MYO3A: variants seen among roughly 807,000 people sequenced by gnomAD.
MYO3A encodes myosin-IIIa.
A neutral mutation model predicts 192.7 loss-of-function variants in MYO3A; 180 were observed. The ratio of observed to expected loss-of-function variants is 0.93; its 90% CI spans 0.83 to 1.06. MYO3A has a LOEUF of 1.06. Ranked by LOEUF, MYO3A falls within the 50% of genes least tolerant of loss-of-function variation. The pLI, the probability that MYO3A is intolerant of heterozygous loss-of-function variation, is 0.00. For missense variants in MYO3A, 1,896 were observed against 1,905.0 expected (o/e 1.00, Z 0.09); for synonymous variants, 628 against 645.3 (o/e 0.97, Z 0.41).
intron 14 of MYO3A, among the ~76,000 whole-genome samples, chr10:26,075,464 A>G (rs1490608996): frequency 1.3e-5 from 2 of 151,262 alleles, no homozygotes; most frequent in Non-Finnish European, 2.9e-5. Context: ...AGTCCACTGT[A>G]TCATTCTTAT....
chr10:26,053,416 A>G (rs1242024362), intron 10 of MYO3A, among the ~76,000 whole-genome samples: 1 of 150,162 alleles, frequency 6.7e-6, no homozygotes, highest in African/African-American at 2.4e-5. Context: ...TCAGTCAGTG[A>G]TAAAACAAAA....
intron 6 of MYO3A, among the ~76,000 whole-genome samples, chr10:26,006,712 C>T (rs1382081471): frequency 2.0e-5 from 3 of 151,930 alleles, no homozygotes; most frequent in Admixed American, 1.3e-4. Context: ...AGACCAATAA[C>T]AGGCTCTGAA....
chr10:26,057,799 T>C (rs1480225727), intron 10 of MYO3A, among the ~76,000 whole-genome samples: 2 of 152,246 alleles, frequency 1.3e-5, no homozygotes, highest in Non-Finnish European at 2.9e-5. Flanking sequence ...AGAGAGTTTT[T>C]GTTTTTACTT....
rs528951836 is a variant in MYO3A, at chr10:25,955,789, C to A, written c.303+781C>A. 2.0e-5 allele frequency among the ~76,000 whole-genome samples: 3 copies of A among 152,112 alleles called. No individual in the cohort carries two copies. The South Asian group carries it at 6.2e-4, about 32-fold the overall frequency. The stretch of plus-strand genomic sequence containing the variant: ...TACCTTTATTTGACAGCTATAACAG[C>A]ATATATTTATTGTGTTCATCATTGT... On this transcript the variant is annotated intron_variant, in intron 4 of 34. Coordinates refer to ENST00000642920, the MANE Select transcript of MYO3A (RefSeq NM_017433.5).
intron 17 of MYO3A, among the ~76,000 whole-genome samples, chr10:26,099,117 G>A (rs377000594): frequency 1.3e-5 from 2 of 152,124 alleles, no homozygotes; most frequent in Non-Finnish European, 2.9e-5. Context: ...CCTTGAAGAG[G>A]TCCTTCATGT....
At chr10:26,202,131 C>G (rs1464906609) in intron 33 of MYO3A, among the ~76,000 whole-genome samples, 1 of 152,172 alleles carries the variant, frequency 6.6e-6, no homozygotes, top group African/African-American at 2.4e-5. Context: ...AATATTATAT[C>G]ACTGTTTTAA....
rs1300613260 is a variant in MYO3A at position 26,193,279 on chromosome 10, C to A, written c.4513C>A (p.Pro1505Thr). ...CCGGAAACCCAAAACATTAAATAACCCTGAAGACTCCACATACTATTATCT... is the reference window on the plus strand; with the variant it reads ...CCGGAAACCCAAAACATTAAATAACACTGAAGACTCCACATACTATTATCT... ...RPRKPKTLNN[P>T]EDSTYYYLLH... is the part of the protein sequence containing the mutation. Residue 1505 changes from proline (P) to threonine (T), a missense_variant, in exon 32 of 35, where the codon CCT (proline) becomes ACT (threonine). Coordinates refer to ENST00000642920, the MANE Select transcript of MYO3A (RefSeq NM_017433.5). 4.3e-6 allele frequency: 7 copies of A among 1,613,484 alleles called. No individual in the cohort carries two copies. The Admixed American group carries it at 6.7e-5, about 15-fold the overall frequency.
chr10:26,060,383 G>A (rs980098317), intron 10 of MYO3A, among the ~76,000 whole-genome samples: 4 of 152,072 alleles, frequency 2.6e-5, no homozygotes, highest in African/African-American at 7.2e-5. Context: ...CAGGAGAATC[G>A]CTTGAACCTG....
chr10:25,996,769 T>G (rs1163726595), intron 5 of MYO3A, among the ~76,000 whole-genome samples, 175 bp downstream of exon 5: 1 of 152,206 alleles, frequency 6.6e-6, no homozygotes, highest in African/African-American at 2.4e-5. Context: ...CACTACAAAT[T>G]TACTTTCATT....
chr10:26,154,869 G>A (rs1055743301), intron 25 of MYO3A, 46 bp downstream of exon 25: 1 of 1,488,480 alleles, frequency 6.7e-7, no homozygotes, highest in Non-Finnish European at 9.3e-7. Flanking sequence ...GTGCTATTTA[G>A]TCTAAATGAG....
At chr10:26,187,287 T>A (rs1204232367) in intron 31 of MYO3A, among the ~76,000 whole-genome samples, 1 of 152,144 alleles carries the variant, frequency 6.6e-6, no homozygotes, top group East Asian at 1.9e-4. Context: ...GAATATGGGA[T>A]TAGGTTCTAT....
intron 10 of MYO3A, among the ~76,000 whole-genome samples, chr10:26,046,231 A>G (rs1843631372): frequency 6.6e-6 from 1 of 152,164 alleles, no homozygotes; most frequent in African/African-American, 2.4e-5. Context: ...TGAGCCGTCA[A>G]CCTGTGTAAT....
intron 30 of MYO3A, among the ~76,000 whole-genome samples, 174 bp from the exon 31 acceptor site, chr10:26,176,527 G>A (rs184722737): frequency 4.6e-5 from 7 of 152,300 alleles, no homozygotes; most frequent in African/African-American, 1.7e-4. Flanking sequence ...CACAAGGGGG[G>A]AAGGTTGTCA....
intron 34 of MYO3A, among the ~76,000 whole-genome samples, chr10:26,203,406 A>T (rs1206197292): frequency 6.6e-6 from 1 of 152,192 alleles, no homozygotes; most frequent in Non-Finnish European, 1.5e-5. Context: ...TTATATGGTC[A>T]TCTGATTGTA....
At chr10:26,075,635 C>G (rs1835493393) in intron 14 of MYO3A, among the ~76,000 whole-genome samples, 1 of 144,158 alleles carries the variant, frequency 6.9e-6, no homozygotes, top group African/African-American at 2.6e-5. Context: ...ATATGTCTCT[C>G]ATATATGATA....
intron 10 of MYO3A, among the ~76,000 whole-genome samples, chr10:26,034,070 C>T (rs557672160): frequency 1.3e-5 from 2 of 152,228 alleles, no homozygotes; most frequent in Non-Finnish European, 2.9e-5. Flanking sequence ...GCTCTTAAGC[C>T]ACCTGTGTCC....
At chr10:26,099,299 G>T (rs551969127) in intron 17 of MYO3A, among the ~76,000 whole-genome samples, 11 of 152,328 alleles carry the variant, frequency 7.2e-5, no homozygotes, top group African/African-American at 2.4e-4. Flanking sequence ...ATCAGCTTAA[G>T]CAGATTTTGG....
At chr10:25,944,990 A>G (rs938402790) in intron 2 of MYO3A, among the ~76,000 whole-genome samples, 7 of 151,806 alleles carry the variant, frequency 4.6e-5, no homozygotes, top group Admixed American at 6.6e-5. Flanking sequence ...CATTGATTTC[A>G]TATTTTTCTT....
chr10:26,023,491 T>C (rs553083738), intron 8 of MYO3A: 30 of 154,610 alleles, frequency 1.9e-4, no homozygotes, highest in African/African-American at 7.2e-4. Context: ...TATTCACAGC[T>C]TTATCGCTAA....
Sources: gnomAD v4.1 joint callset for allele counts (sites outside exome capture counted in the v4.1 genomes callset) on GRCh38, gnomAD v4.1.1 for gene constraint, MANE v1.5 for transcripts, NCBI Gene and HGNC (gene_info 2026-07-23, HGNC 2026-07-21) for gene names.